KIAA1671: variants seen among roughly 807,000 people sequenced by gnomAD.
The protein encoded by KIAA1671 is uncharacterized protein KIAA1671.
Under a neutral mutation model 131.2 loss-of-function variants are expected in KIAA1671, and 52 were observed. The ratio of observed to expected loss-of-function variants is 0.40; its 90% CI spans 0.32 to 0.50. The LOEUF (loss-of-function observed/expected upper bound fraction) is 0.50, where lower values mean the gene tolerates loss of function less well. Ranked by LOEUF, KIAA1671 falls within the 20% of genes least tolerant of loss-of-function variation. The probability of loss-of-function intolerance (pLI) is 0.73; values close to 1 mark genes in which losing one functional copy is unlikely to be tolerated. For missense variants in KIAA1671, 2,360 were observed against 2,364.2 expected, an observed-to-expected ratio of 1.00 and a Z score of 0.04; for synonymous variants, 1,003 against 961.6, an observed-to-expected ratio of 1.04 and a Z score of -0.80.
intron 1 of KIAA1671, among the ~76,000 whole-genome samples, chr22:24,953,494 C>A (rs1004134512): frequency 6.6e-6 from 1 of 152,026 alleles, no homozygotes; most frequent in Non-Finnish European, 1.5e-5. Context: ...TGGCCTGCGC[C>A]CCCCCTCCGC....
Position 25,040,834 on chromosome 22 carries a change from A to G in KIAA1671, c.3704A>G (p.Glu1235Gly). 1 of 1,551,424 alleles carries G rather than the reference A, an allele frequency of 6.4e-7. No homozygotes were observed. Among genetic ancestry groups the G allele is most frequent in the South Asian group, 1.2e-5 (1 of 84,054 alleles). The change falls in exon 5 of 13, where the codon GAG becomes GGG. Residue 1235 changes from glutamate (E) to glycine (G), a missense_variant. Around this residue, in one of 3 missense-constraint regions of KIAA1671, gnomAD observed 1,161 missense variants for 1,204.7 expected, o/e 0.96. Transcript: ENST00000358431. ...PTVEPSTLPR[E>G]RPVQLGGVEQ... ...GTGGAGCCCAGTACGTTGCCTCGGG[A>G]GAGGCCTGTTCAGCTGGGCGGGGTG... is the stretch of plus-strand genomic sequence containing the variant.
intron 6 of KIAA1671, among the ~76,000 whole-genome samples, chr22:25,148,399 G>A (rs550025812): frequency 3.9e-5 from 6 of 152,258 alleles, no homozygotes; most frequent in South Asian, 4.1e-4. Context: ...GCTGTCCAGG[G>A]TGCTAAGTGG....
At chr22:25,104,956 G>A (rs940766047) in intron 6 of KIAA1671, among the ~76,000 whole-genome samples, 4 of 151,950 alleles carry the variant, frequency 2.6e-5, no homozygotes, top group African/African-American at 9.7e-5. Flanking sequence ...TAACTGTCCA[G>A]GGAATGTTTG....
chr22:25,007,345 G>A (rs1924800879), intron 1 of KIAA1671, among the ~76,000 whole-genome samples: 1 of 151,610 alleles, frequency 6.6e-6, no homozygotes, highest in African/African-American at 2.4e-5. Context: ...AATTAGATGG[G>A]CATGGTGGTG....
intron 1 of KIAA1671, among the ~76,000 whole-genome samples, chr22:25,015,892 A>G (rs1296947358): frequency 6.6e-6 from 1 of 152,216 alleles, no homozygotes; most frequent in African/African-American, 2.4e-5. Context: ...ATTCTTACAG[A>G]AACAGTACAC....
chr22:25,007,057 G>A (rs1298266752), intron 1 of KIAA1671, among the ~76,000 whole-genome samples: 2 of 152,146 alleles, frequency 1.3e-5, no homozygotes, highest in Admixed American at 1.3e-4. Flanking sequence ...GCCTCACACT[G>A]CTGTGGTCAC....
intron 7 of KIAA1671, 115 bp from the exon 8 acceptor site, chr22:25,174,125 A>G (rs1601382292): frequency 8.8e-7 from 1 of 1,141,792 alleles, no homozygotes. Context: ...GTCTGTTGTT[A>G]CTTGGCTTAT....
At chr22:25,102,018 G>A (rs1930709807) in intron 6 of KIAA1671, among the ~76,000 whole-genome samples, 1 of 152,174 alleles carries the variant, frequency 6.6e-6, no homozygotes, top group Non-Finnish European at 1.5e-5. Context: ...GAGCTGTGGT[G>A]GACTAGATGC....
intron 1 of KIAA1671, among the ~76,000 whole-genome samples, chr22:24,970,653 C>T (rs1274593566): frequency 6.6e-6 from 1 of 150,992 alleles, no homozygotes; most frequent in African/African-American, 2.4e-5. Flanking sequence ...TTTCGGCTTC[C>T]CTGGGCCACA....
intron 4 of KIAA1671, among the ~76,000 whole-genome samples, chr22:25,037,985 G>A (rs904252598): frequency 6.6e-6 from 1 of 151,970 alleles, no homozygotes; most frequent in African/African-American, 2.4e-5. Flanking sequence ...GATTACAGCC[G>A]TGTGCCACGA....
At chr22:25,088,797 C>T (rs1279837393) in intron 6 of KIAA1671, among the ~76,000 whole-genome samples, 1 of 152,176 alleles carries the variant, frequency 6.6e-6, no homozygotes, top group East Asian at 1.9e-4. Context: ...TCATGTGTCT[C>T]CTTTTGAAAA....
intron 1 of KIAA1671, among the ~76,000 whole-genome samples, chr22:24,984,254 A>C (rs1162355950): frequency 7.9e-5 from 12 of 152,196 alleles, no homozygotes. Flanking sequence ...CTAAGCCTCA[A>C]ATCCTTTGCA....
At chr22:25,152,492 T>C (rs901630725) in intron 6 of KIAA1671, among the ~76,000 whole-genome samples, 2 of 152,218 alleles carry the variant, frequency 1.3e-5, no homozygotes, top group Non-Finnish European at 1.5e-5. Flanking sequence ...ATACACTGAC[T>C]AGTTGCCTAA....
chr22:25,177,635 A>G (rs1302919049), intron 9 of KIAA1671, 113 bp downstream of exon 9: 1 of 863,204 alleles, frequency 1.2e-6, no homozygotes, highest in Admixed American at 3.0e-5. Context: ...TTAGAACACA[A>G]TTACATAGGA....
intron 6 of KIAA1671, among the ~76,000 whole-genome samples, chr22:25,115,881 A>T (rs1354137312): frequency 1.3e-5 from 2 of 152,098 alleles, no homozygotes; most frequent in Non-Finnish European, 1.5e-5. Context: ...GGTTCAAGTG[A>T]TTCTCCTGCC....
At chr22:25,029,669 G>A (rs1926168517) in intron 3 of KIAA1671, 129 bp downstream of exon 3, 1 of 687,366 alleles carries the variant, frequency 1.5e-6, no homozygotes, top group Admixed American at 3.0e-5. Context: ...AGGAGGTAGT[G>A]GCAGTGTCCA....
rs1569213254 is a variant in KIAA1671, at chr22:25,039,211, T to A, written c.2081T>A (p.Leu694Gln). ...LGPTTLLNGE[L>Q]RPYHTPLRDK... Reference sequence around the variant, plus strand: ...CCAACCACCCTTTTGAATGGTGAACTGAGACCGTATCACACGCCTCTCCGG... The same window carrying A: ...CCAACCACCCTTTTGAATGGTGAACAGAGACCGTATCACACGCCTCTCCGG... The change falls in exon 5 of 13, where the codon CTG becomes CAG. Residue 694 changes from leucine to glutamine, a missense_variant. By Grantham distance (113) the Leu-to-Gln change is moderately radical. Around this residue, in one of 3 missense-constraint regions of KIAA1671, gnomAD observed 1,185 missense variants for 1,126.2 expected, o/e 1.05. Coordinates refer to ENST00000358431, the MANE Select transcript of KIAA1671 (RefSeq NM_001145206.2). 2 of 1,552,208 alleles carry A rather than the reference T, an allele frequency of 1.3e-6. No individual in the cohort carries two copies. The highest frequency in any genetic ancestry group is 1.7e-6 in the Non-Finnish European group (2 of 1,147,110).
intron 6 of KIAA1671, among the ~76,000 whole-genome samples, chr22:25,066,690 T>G (rs374258705): frequency 2.6e-5 from 4 of 152,320 alleles, no homozygotes; most frequent in Admixed American, 1.3e-4. Flanking sequence ...ATTTGCAGGT[T>G]CTAGGTGGAC....
chr22:25,170,854 C>G lies in KIAA1671; in HGVS notation c.4565C>G (p.Thr1522Ser). ...QLKQCFSRQPTEPKDTDTLVH... is the reference protein window; with the variant it reads ...QLKQCFSRQPSEPKDTDTLVH... ...AAGCAGTGTTTCTCCCGGCAGCCCA[C>G]TGAACCCAAGGACACTGACACCCTC... is the stretch of plus-strand genomic sequence containing the variant. Residue 1522 changes from threonine (T) to serine (S), a missense_variant, in exon 7 of 13, where the codon ACT becomes AGT. By Grantham distance (58) the Thr-to-Ser change is moderately conservative (BLOSUM62 1). Around this residue, in one of 3 missense-constraint regions of KIAA1671, gnomAD observed 1,161 missense variants for 1,204.7 expected, o/e 0.96. Coordinates refer to ENST00000358431, the MANE Select transcript of KIAA1671 (RefSeq NM_001145206.2). 1 of 1,551,718 alleles carries G rather than the reference C, an allele frequency of 6.4e-7. No individual in the cohort carries two copies. Among genetic ancestry groups the G allele is most frequent in the South Asian group, 1.2e-5 (1 of 84,054 alleles).
Sources: gnomAD v4.1 joint callset for allele counts (sites outside exome capture counted in the v4.1 genomes callset) on GRCh38, gnomAD v4.1.1 for gene constraint, gnomAD v4.1.1 regional missense constraint, MANE v1.5 for transcripts, NCBI Gene and HGNC (gene_info 2026-07-23, HGNC 2026-07-21) for gene names.